The following IKZF3 variants were observed in gnomAD, a reference collection of about 807,000 sequenced individuals.
IKZF3 encodes IKAROS family zinc finger 3, also known as zinc finger protein Aiolos.
IKZF3 carries 10 observed loss-of-function variants against 49.0 expected under a neutral mutation model. That is an observed-to-expected ratio of 0.20 (90% CI 0.13 to 0.35). IKZF3 has a LOEUF of 0.35. Ranked by LOEUF, IKZF3 falls within the 10% of genes least tolerant of loss-of-function variation. The pLI, the probability that IKZF3 is intolerant of heterozygous loss-of-function variation, is 1.00. For synonymous variants in IKZF3, 209 were observed against 228.2 expected (o/e 0.92, Z 0.76); for missense variants, 498 against 664.8 (o/e 0.75, Z 2.76).
At position 39,864,278 on chromosome 17, in the gene IKZF3, G is replaced by C; in HGVS notation, c.-152C>G. ...CAGCCGCGTCGGCGCAGACTGAAAA[G>C]GGCAGGAGCCGGCGACCTGCCGGTG... On this transcript the variant is annotated 5_prime_UTR_variant, in exon 1 of 8. Coordinates refer to ENST00000346872, the MANE Select transcript of IKZF3 (RefSeq NM_012481.5). The C allele has an allele frequency of 1.2e-6, 1 of 839,450 alleles. No individual in the cohort carries two copies. Among genetic ancestry groups the C allele is most frequent in the South Asian group, 1.9e-5 (1 of 53,690 alleles). 52.0% of individuals were successfully genotyped at this position (839,450 alleles called of 1,614,324 possible).
intron 6 of IKZF3, among the ~76,000 whole-genome samples, chr17:39,785,718 A>G (rs2060858224): frequency 6.6e-6 from 1 of 152,184 alleles, no homozygotes; most frequent in South Asian, 2.1e-4. Context: ...GTGTGTTACT[A>G]TATTTCTTTT....
intron 1 of IKZF3, 87 bp downstream of exon 1, chr17:39,864,033 C>A: frequency 6.4e-7 from 1 of 1,550,576 alleles, no homozygotes; most frequent in Non-Finnish European, 8.9e-7. Context: ...AGAAGCAAAA[C>A]TGAGATTCAG....
At chr17:39,779,323 G>A (rs1202199248) in intron 6 of IKZF3, among the ~76,000 whole-genome samples, 2 of 152,152 alleles carry the variant, frequency 1.3e-5, no homozygotes, top group Non-Finnish European at 2.9e-5. Flanking sequence ...TTAGCTGGGT[G>A]TGGTGGCGAA....
At chr17:39,829,533 G>A (rs1015789746) in intron 2 of IKZF3, 45 bp from the exon 3 acceptor site, 1 of 1,376,444 alleles carries the variant, frequency 7.3e-7, no homozygotes, top group Non-Finnish European at 1.0e-6. Flanking sequence ...AACGTTAAAG[G>A]ATTTTTATAA....
chr17:39,856,887 C>G (rs2061928207), intron 1 of IKZF3, among the ~76,000 whole-genome samples: 1 of 151,826 alleles, frequency 6.6e-6, no homozygotes, highest in South Asian at 2.1e-4. Flanking sequence ...CATGATTTTA[C>G]TCATCATGTT....
At chr17:39,839,633 G>C (rs1471275957) in intron 1 of IKZF3, 1 of 373,216 alleles carries the variant, frequency 2.7e-6, no homozygotes, top group East Asian at 8.7e-5. Context: ...GCCCAGGCTG[G>C]AGTGCAGTGG....
intron 3 of IKZF3, among the ~76,000 whole-genome samples, chr17:39,805,822 T>TATTGGGG (rs1351515681): frequency 6.6e-6 from 1 of 152,246 alleles, no homozygotes; most frequent in Non-Finnish European, 1.5e-5. Flanking sequence ...GCAGAGGGAA[T>TATTGGGG]ATTGTCTGGC....
chr17:39,860,854 T>G (rs1267569392), intron 1 of IKZF3, among the ~76,000 whole-genome samples: 1 of 152,308 alleles, frequency 6.6e-6, no homozygotes, highest in African/African-American at 2.4e-5. Context: ...AACCTGCACA[T>G]GTACCCCCTA....
chr17:39,772,381 T>C (rs2060467132), intron 7 of IKZF3, among the ~76,000 whole-genome samples: 1 of 152,202 alleles, frequency 6.6e-6, no homozygotes, highest in Non-Finnish European at 1.5e-5. Flanking sequence ...TTAAAGTTCT[T>C]CAAGTCACTT....
At chr17:39,828,957 C>T (rs534146470) in intron 3 of IKZF3, among the ~76,000 whole-genome samples, 4 of 151,942 alleles carry the variant, frequency 2.6e-5, no homozygotes, top group East Asian at 1.9e-4. Flanking sequence ...GCCGAGATTG[C>T]GCCACTGCAC....
intron 2 of IKZF3, among the ~76,000 whole-genome samples, chr17:39,831,495 A>G (rs957567624): frequency 2.0e-5 from 3 of 152,222 alleles, no homozygotes; most frequent in Non-Finnish European, 4.4e-5. Context: ...GAGTTAATCA[A>G]TGGAGGACAC....
chr17:39,777,976 G>A (rs748914351), intron 6 of IKZF3: 16 of 1,237,044 alleles, frequency 1.3e-5, no homozygotes, highest in South Asian at 2.7e-5. Context: ...GTCTTATGCC[G>A]AGATGGGAAA....
Position 39,762,278 on chromosome 17 carries a change from A to C in IKZF3, c.*3512T>G, listed in dbSNP as rs2060199832. On this transcript the variant is annotated 3_prime_UTR_variant, in exon 8 of 8. Coordinates refer to ENST00000346872, the MANE Select transcript of IKZF3 (RefSeq NM_012481.5). ...TGGCAAGGGGTTTGTTAATTAGTAC[A>C]GCATAAGGGGTATGTACAGAAGGCA... 1 of 152,224 alleles carries C rather than the reference A, an allele frequency of 6.6e-6. No homozygotes were observed. The highest frequency in any genetic ancestry group is 2.4e-5 in the African/African-American group (1 of 41,448). 9.4% of individuals were successfully genotyped at this position (152,224 alleles called of 1,614,324 possible).
rs2062145359 is a variant in IKZF3 at position 39,832,632 on chromosome 17, A to C, written c.8-481T>G. Among the ~76,000 whole-genome samples the C allele has an allele frequency of 1.3e-5, 2 of 152,140 alleles. 1 individual carries two copies. The highest frequency in any genetic ancestry group is 4.1e-4 in the South Asian group (2 of 4,834). On this transcript the variant is annotated intron_variant, in intron 1 of 7. Coordinates refer to ENST00000346872, the MANE Select transcript of IKZF3 (RefSeq NM_012481.5). ...ATGTTAAGTGAAATAAGTCAGGCAC[A>C]GAAAGACAAATATCACATGTTCTCA...
intron 1 of IKZF3, among the ~76,000 whole-genome samples, chr17:39,850,563 A>G (rs1174311470): frequency 1.7e-5 from 2 of 118,156 alleles, no homozygotes; most frequent in Non-Finnish European, 3.4e-5. Flanking sequence ...TTATACATGT[A>G]CATATAGTAT....
chr17:39,827,692 G>A (rs950149355), intron 3 of IKZF3, among the ~76,000 whole-genome samples: 4 of 152,162 alleles, frequency 2.6e-5, no homozygotes, highest in Admixed American at 6.5e-5. Flanking sequence ...TCAGTACCAC[G>A]AAAGAACCAG....
At chr17:39,800,682 T>C (rs1277799739) in intron 3 of IKZF3, among the ~76,000 whole-genome samples, 1 of 152,296 alleles carries the variant, frequency 6.6e-6, no homozygotes, top group Non-Finnish European at 1.5e-5. Context: ...GAGAATTTTG[T>C]AGGCTGAAGA....
chr17:39,816,380 C>G (rs2061678835), intron 3 of IKZF3, among the ~76,000 whole-genome samples: 1 of 152,194 alleles, frequency 6.6e-6, no homozygotes, highest in African/African-American at 2.4e-5. Flanking sequence ...ACTCATCATA[C>G]AATAAATGTA....
intron 3 of IKZF3, among the ~76,000 whole-genome samples, chr17:39,793,664 A>C (rs2061087919): frequency 1.3e-5 from 2 of 152,376 alleles, no homozygotes; most frequent in Non-Finnish European, 1.5e-5. Flanking sequence ...AAGGACCATT[A>C]GGTCCCAAGT....
Sources: allele counts gnomAD v4.1 joint callset (sites outside exome capture counted in the v4.1 genomes callset), GRCh38; gene constraint gnomAD v4.1.1; transcripts MANE v1.5; gene names NCBI Gene and HGNC (gene_info 2026-07-23, HGNC 2026-07-21).